ZDHHC14: variants seen among roughly 807,000 people sequenced by gnomAD.
ZDHHC14 encodes the protein zDHHC palmitoyltransferase 14.
Under a neutral mutation model 47.7 loss-of-function variants are expected in ZDHHC14, and 16 were observed. That is an observed-to-expected ratio of 0.34 (90% confidence interval 0.23 to 0.51). ZDHHC14 has a LOEUF of 0.51. Among genes scored for constraint, ZDHHC14 ranks in the 20% least tolerant of loss-of-function variants. The pLI is 0.97. For missense variants in ZDHHC14, 515 were observed against 662.5 expected, an observed-to-expected ratio of 0.78 and a Z score of 2.44; for synonymous variants, 293 against 278.9, an observed-to-expected ratio of 1.05 and a Z score of -0.50.
chr6:157,387,486 G>T (rs757776818), intron 1 of ZDHHC14, among the ~76,000 whole-genome samples: 6 of 152,150 alleles, frequency 3.9e-5, no homozygotes, highest in Admixed American at 6.5e-5. Context: ...TCTGCATAGG[G>T]TCTCATCGGT....
chr6:157,461,174 C>A (rs1410868760), intron 1 of ZDHHC14, among the ~76,000 whole-genome samples: 2 of 152,158 alleles, frequency 1.3e-5, no homozygotes, highest in Non-Finnish European at 2.9e-5. Flanking sequence ...GTGGCCACCA[C>A]CGTAAACAGT....
chr6:157,592,940 AGAGG>A lies in ZDHHC14; in HGVS notation c.407-43_407-40del, dbSNP rs1158056391. On this transcript the variant is annotated intron_variant, in intron 2 of 8. Coordinates refer to ENST00000359775, the MANE Select transcript of ZDHHC14 (RefSeq NM_024630.3). Reference sequence around the variant, plus strand: ...CCAGGCGGACGGGTCCCGCCGAGGCAGAGGGAGGCTCTGAAGGTGTGCGCTCTTT... The same window carrying A: ...CCAGGCGGACGGGTCCCGCCGAGGCAGAGGCTCTGAAGGTGTGCGCTCTTT... 4 of 1,553,266 alleles carry A rather than the reference AGAGG, an allele frequency of 2.6e-6. No homozygotes were observed. In the Admixed American group the frequency reaches 8.0e-5, roughly 31 times the overall value.
At chr6:157,653,747 C>A (rs1027386935) in intron 8 of ZDHHC14, 120 bp downstream of exon 8, 6 of 913,368 alleles carry the variant, frequency 6.6e-6, no homozygotes, top group Non-Finnish European at 8.4e-6. Context: ...CCACAGCCGC[C>A]CACCCCATGA....
intron 2 of ZDHHC14, among the ~76,000 whole-genome samples, chr6:157,550,075 G>A (rs567507568): frequency 6.6e-6 from 1 of 152,296 alleles, no homozygotes; most frequent in African/African-American, 2.4e-5. Context: ...GTGGAAAGTG[G>A]CATTTTCCTC....
At chr6:157,508,309 C>G (rs1780380173) in intron 1 of ZDHHC14, among the ~76,000 whole-genome samples, 1 of 152,078 alleles carries the variant, frequency 6.6e-6, no homozygotes, top group Non-Finnish European at 1.5e-5. Flanking sequence ...TATTTTTTGT[C>G]TGTTCTCTCT....
At chr6:157,405,439 G>A (rs567557330) in intron 1 of ZDHHC14, among the ~76,000 whole-genome samples, 56 of 152,166 alleles carry the variant, frequency 3.7e-4, no homozygotes, top group South Asian at 1.2e-3. Flanking sequence ...TCACTGTGTT[G>A]GCCAGGATGG....
intron 8 of ZDHHC14, among the ~76,000 whole-genome samples, chr6:157,660,790 A>G (rs1583091415): frequency 6.6e-6 from 1 of 152,176 alleles, no homozygotes; most frequent in Admixed American, 6.5e-5. Flanking sequence ...GTTCTCTCCA[A>G]AAGTTTCGGT....
At chr6:157,519,125 G>A (rs918812565) in intron 1 of ZDHHC14, among the ~76,000 whole-genome samples, 4 of 151,976 alleles carry the variant, frequency 2.6e-5, no homozygotes, top group African/African-American at 9.7e-5. Context: ...TAGATGGAGG[G>A]AGTTGTTCAG....
intron 2 of ZDHHC14, among the ~76,000 whole-genome samples, chr6:157,573,483 C>T (rs112285673): frequency 0.021 from 3,203 of 152,316 alleles, 113 homozygotes; most frequent in African/African-American, 0.073. Flanking sequence ...GGCAGAGAGA[C>T]GAACCATCTC....
chr6:157,653,761 C>G, intron 8 of ZDHHC14, 134 bp downstream of exon 8: 1 of 764,192 alleles, frequency 1.3e-6, no homozygotes, highest in Non-Finnish European at 2.1e-6. Flanking sequence ...CCCATGACTA[C>G]TGCGCTCAGA....
intron 2 of ZDHHC14, among the ~76,000 whole-genome samples, chr6:157,588,637 G>A (rs1454238393): frequency 6.6e-6 from 1 of 152,226 alleles, no homozygotes; most frequent in Non-Finnish European, 1.5e-5. Context: ...CAAGTGCTCT[G>A]CGTGAAAACG....
chr6:157,602,062 C>G (rs1413263502), intron 3 of ZDHHC14, among the ~76,000 whole-genome samples: 1 of 151,962 alleles, frequency 6.6e-6, no homozygotes, highest in Non-Finnish European at 1.5e-5. Flanking sequence ...ATTGGCTGGG[C>G]ATGGTAGCAC....
intron 7 of ZDHHC14, among the ~76,000 whole-genome samples, chr6:157,648,792 C>T (rs942806919): frequency 2.0e-5 from 3 of 152,202 alleles, no homozygotes; most frequent in Non-Finnish European, 4.4e-5. Context: ...CAGGCAATGG[C>T]TTGATTTGTC....
chr6:157,631,675 T>C (rs1785746254), intron 4 of ZDHHC14: 1 of 152,266 alleles, frequency 6.6e-6, no homozygotes. Flanking sequence ...GAAGTCTGGA[T>C]TTCCTTGGAG....
intron 1 of ZDHHC14, among the ~76,000 whole-genome samples, chr6:157,446,402 T>G (rs1778670007): frequency 6.6e-6 from 1 of 152,094 alleles, no homozygotes; most frequent in Non-Finnish European, 1.5e-5. Flanking sequence ...TTTTTTGGTT[T>G]TTTTGTTTTG....
At chr6:157,640,225 T>C (rs1267464928) in intron 5 of ZDHHC14, among the ~76,000 whole-genome samples, 1 of 152,262 alleles carries the variant, frequency 6.6e-6, no homozygotes, top group East Asian at 1.9e-4. Context: ...CAGCCATTTT[T>C]AATCATGACT....
chr6:157,412,307 T>C (rs554539481), intron 1 of ZDHHC14, among the ~76,000 whole-genome samples: 2 of 151,460 alleles, frequency 1.3e-5, no homozygotes, highest in Non-Finnish European at 2.9e-5. Context: ...TGTTTGCTTG[T>C]TTTGAGATAG....
intron 1 of ZDHHC14, among the ~76,000 whole-genome samples, chr6:157,418,811 C>G (rs1187360892): frequency 6.6e-6 from 1 of 152,210 alleles, no homozygotes; most frequent in African/African-American, 2.4e-5. Context: ...AAATCATCCA[C>G]CAGGTGTATG....
rs1318440128 is a variant in ZDHHC14, at chr6:157,381,901, A to G, written c.-121A>G. Reference sequence around the variant, plus strand: ...TTGTCGCCGAGCCGGGAGCCCGTGTAGGGGCCGCGGCGCCGCGGCTCGGGG... The same window carrying G: ...TTGTCGCCGAGCCGGGAGCCCGTGTGGGGGCCGCGGCGCCGCGGCTCGGGG... On this transcript the variant is annotated 5_prime_UTR_variant, in exon 1 of 9. An upstream open reading frame in the 5' UTR loses its in-frame stop. Coordinates refer to ENST00000359775, the MANE Select transcript of ZDHHC14 (RefSeq NM_024630.3). 6.0e-6 allele frequency: 5 copies of G among 828,882 alleles called. No individual in the cohort carries two copies. Among genetic ancestry groups the G allele is most frequent in the Non-Finnish European group, 7.2e-6 (5 of 697,198 alleles). The allele number at this position is 828,882 out of a possible 1,614,324, so 51.3% of individuals were successfully genotyped here.
Sources: allele counts gnomAD v4.1 joint callset (sites outside exome capture counted in the v4.1 genomes callset), GRCh38; gene constraint gnomAD v4.1.1; transcripts MANE v1.5; gene names NCBI Gene and HGNC (gene_info 2026-07-23, HGNC 2026-07-21).